Variants in SYT7 observed in about 807,000 individuals in gnomAD.
The protein encoded by SYT7 is synaptotagmin-7.
In SYT7, 29 loss-of-function variants were observed where a neutral mutation model predicts 75.1. The observed-to-expected ratio is 0.39, with a 90% CI of 0.29 to 0.53. The LOEUF is 0.53. Ranked by LOEUF, SYT7 falls within the 20% of genes least tolerant of loss-of-function variation. The pLI, the probability that SYT7 is intolerant of heterozygous loss-of-function variation, is 0.77. For missense variants in SYT7, 693 were observed against 953.2 expected (o/e 0.73, Z 3.59); for synonymous variants, 376 against 401.7 (o/e 0.94, Z 0.76).
At position 61,514,108 on chromosome 11, in the gene SYT7, G is replaced by A. The variant is rs1288801174; in HGVS notation, c.*4519C>T. On this transcript the variant is annotated 3_prime_UTR_variant, in exon 13 of 13. Coordinates refer to ENST00000539008, the MANE Select transcript of SYT7 (RefSeq NM_001365809.2). The stretch of plus-strand genomic sequence containing the variant: ...AGGCATGGACGAAGACAGACCCAGA[G>A]AAGCAAAAATGGAGGAAGGCAAAAA... 6.6e-6 allele frequency among the ~76,000 whole-genome samples: 1 copy of A among 152,144 alleles called. No individual in the cohort carries two copies. Among genetic ancestry groups the A allele is most frequent in the East Asian group, 1.9e-4 (1 of 5,192 alleles).
intron 1 of SYT7, among the ~76,000 whole-genome samples, chr11:61,560,713 A>G (rs997433776): frequency 6.6e-6 from 1 of 152,176 alleles, no homozygotes; most frequent in Non-Finnish European, 1.5e-5. Context: ...TACCAGCCAG[A>G]GTGAACCATT....
At chr11:61,534,413 G>GCACACACACGCA (rs796187429) in intron 7 of SYT7, among the ~76,000 whole-genome samples, 25 of 149,806 alleles carry the variant, frequency 1.7e-4, no homozygotes, top group African/African-American at 6.1e-4. Context: ...ACACACGCAC[G>GCACACACACGCA]CACACATGCG....
intron 1 of SYT7, among the ~76,000 whole-genome samples, chr11:61,564,477 T>C (rs1221975758): frequency 1.3e-5 from 2 of 152,170 alleles, no homozygotes; most frequent in African/African-American, 4.8e-5. Context: ...TGAGGGTAAA[T>C]ACTCTTATGC....
intron 1 of SYT7, among the ~76,000 whole-genome samples, chr11:61,563,677 A>G (rs761140191): frequency 6.6e-6 from 1 of 152,124 alleles, no homozygotes; most frequent in African/African-American, 2.4e-5. Flanking sequence ...TGTCACACCT[A>G]TGATGCTTTG....
At chr11:61,564,814 C>T (rs749045594) in intron 1 of SYT7, among the ~76,000 whole-genome samples, 9 of 152,250 alleles carry the variant, frequency 5.9e-5, no homozygotes, top group Non-Finnish European at 1.3e-4. Context: ...TTTTCTGGGG[C>T]TCCTTCCCCC....
Position 61,580,968 on chromosome 11 carries a change from C to T in SYT7, c.-148G>A. On this transcript the variant is annotated 5_prime_UTR_variant, in exon 1 of 13. Transcript: ENST00000539008. The surrounding 1 kb of genome is among the most constrained non-coding windows in gnomAD (Gnocchi z 6.1). ...GAGCGGGCTGCACCTAGCCGCGGAG[C>T]CGGGGAGCGGGGGCCGCCCGCCAGC... 2 of 983,050 alleles carry T rather than the reference C, an allele frequency of 2.0e-6. No homozygotes were observed. Among genetic ancestry groups the T allele is most frequent in the African/African-American group, 3.5e-5 (2 of 56,842 alleles). 60.9% of individuals were successfully genotyped at this position (983,050 alleles called of 1,614,324 possible).
intron 6 of SYT7, chr11:61,540,589 T>A: frequency 1.0e-6 from 1 of 985,490 alleles, no homozygotes; most frequent in Non-Finnish European, 1.2e-6. Flanking sequence ...GGACAGAGGA[T>A]GCTGTTGCAT....
At chr11:61,547,060 CAGGAGCGAG>C in intron 4 of SYT7, 108 bp downstream of exon 4, 2 of 1,289,880 alleles carry the variant, frequency 1.6e-6, no homozygotes, top group Non-Finnish European at 2.1e-6. Flanking sequence ...AGTTGGGGGA[CAGGAGCGAG>C]AGGAGAGAGG....
intron 1 of SYT7, among the ~76,000 whole-genome samples, chr11:61,578,103 C>T (rs2064135719): frequency 6.6e-6 from 1 of 152,118 alleles, no homozygotes; most frequent in African/African-American, 2.4e-5. Flanking sequence ...GAGCTGGAGC[C>T]TGGGTGTGCA....
chr11:61,529,170 G>T (rs1321967483), intron 8 of SYT7, among the ~76,000 whole-genome samples: 1 of 152,096 alleles, frequency 6.6e-6, no homozygotes, highest in Non-Finnish European at 1.5e-5. Flanking sequence ...AAAATCTCCC[G>T]TGATGACTGG....
In SYT7 at chr11:61,542,151, T is replaced by C. The variant is rs2063060290; in HGVS notation, c.941+60A>G. The C allele has an allele frequency of 6.7e-7, 1 of 1,499,254 alleles. No individual in the cohort carries two copies. Among genetic ancestry groups the C allele is most frequent in the Non-Finnish European group, 8.9e-7 (1 of 1,129,736 alleles). The allele number at this position is 1,499,254 out of a possible 1,614,324, so 92.9% of individuals were successfully genotyped here. A position where few individuals can be genotyped will look rare whatever the true frequency, so the allele number is the denominator to read the frequency against. ...ACAACCAGCTGCTCCCAAGGAGATCTGGGGGGCAGGAGGCTGGGTCAGGGA... is the reference window on the plus strand; with the variant it reads ...ACAACCAGCTGCTCCCAAGGAGATCCGGGGGGCAGGAGGCTGGGTCAGGGA... On this transcript the variant is annotated intron_variant, in intron 6 of 12. Coordinates refer to ENST00000539008, the MANE Select transcript of SYT7 (RefSeq NM_001365809.2). The surrounding 1 kb of genome is among the most constrained non-coding windows in gnomAD (Gnocchi z 7.8).
intron 8 of SYT7, among the ~76,000 whole-genome samples, chr11:61,529,930 G>A (rs1402858588): frequency 2.6e-5 from 4 of 152,100 alleles, no homozygotes; most frequent in Non-Finnish European, 5.9e-5. Context: ...CCACACACCC[G>A]GCCTCACACT....
At chr11:61,566,525 G>A (rs757342715) in intron 1 of SYT7, among the ~76,000 whole-genome samples, 19 of 152,248 alleles carry the variant, frequency 1.2e-4, no homozygotes, top group Admixed American at 2.0e-4. Context: ...GAGTTAGCTC[G>A]GAACCTGACA....
intron 3 of SYT7, among the ~76,000 whole-genome samples, chr11:61,550,615 G>A (rs2063320362): frequency 6.6e-6 from 1 of 152,162 alleles, no homozygotes; most frequent in Non-Finnish European, 1.5e-5. Context: ...GGAAGGGGCT[G>A]GGGCCACTGG....
Position 61,517,776 on chromosome 11 carries a change from A to C in SYT7, c.*851T>G. 2.6e-6 allele frequency: 1 copy of C among 389,638 alleles called. No individual in the cohort carries two copies. The highest frequency in any genetic ancestry group is 4.5e-6 in the Non-Finnish European group (1 of 221,082). The allele number at this position is 389,638 out of a possible 1,614,324, so 24.1% of individuals were successfully genotyped here. A position where few individuals can be genotyped will look rare whatever the true frequency, so the allele number is the denominator to read the frequency against. On this transcript the variant is annotated 3_prime_UTR_variant, in exon 13 of 13. Transcript: ENST00000539008. ...GCCTAAAAGGTGTGAGTCAGTGTTC[A>C]AGAGATGAAATTGCTGAGGAGGGAA...
Position 61,542,611 on chromosome 11 carries a change from A to C in SYT7, c.573-32T>G. ...GCAGGTGGAGGAGAGGAGAGAAAGG[A>C]GAAGCAGATGAAGGGATCACAGTGG... On this transcript the variant is annotated intron_variant, in intron 5 of 12. Transcript: ENST00000539008. This position sits in a 1 kb window ranked among gnomAD's most constrained non-coding sequence, Gnocchi z 7.8. 1 of 1,463,764 alleles carries C rather than the reference A, an allele frequency of 6.8e-7. No individual in the cohort carries two copies. Among genetic ancestry groups the C allele is most frequent in the Non-Finnish European group, 9.0e-7 (1 of 1,110,974 alleles). 90.7% of individuals were successfully genotyped at this position (1,463,764 alleles called of 1,614,324 possible).
intron 1 of SYT7, 41 bp from the exon 2 acceptor site, chr11:61,556,248 G>T (rs1173085613): frequency 5.2e-6 from 8 of 1,546,832 alleles, no homozygotes; most frequent in Non-Finnish European, 7.1e-6. Context: ...ATTGGCCAGG[G>T]CCTGCCACCC....
rs2064241144 is a variant in SYT7 at position 61,580,797 on chromosome 11, G to A, written c.24C>T (p.Ala8=). 22 of 1,290,016 alleles carry A rather than the reference G, an allele frequency of 1.7e-5. No homozygotes were observed. Among genetic ancestry groups the A allele is most frequent in the Non-Finnish European group, 2.2e-5 (22 of 1,016,014 alleles). 79.9% of individuals were successfully genotyped at this position (1,290,016 alleles called of 1,614,324 possible). The stretch of plus-strand genomic sequence containing the variant: ...CGCCGGGGCCGCGCTTACCTGGGCT[G>A]GCCGCCTCCGGGTCCCGGTACATGG... The part of the protein sequence containing the change: MYRDPEA[A]SPGAPSRDVL... Residue 8 remains alanine, a synonymous_variant, in exon 1 of 13, where the codon GCC becomes GCT. Coordinates refer to ENST00000539008, the MANE Select transcript of SYT7 (RefSeq NM_001365809.2). The surrounding 1 kb of genome is among the most constrained non-coding windows in gnomAD (Gnocchi z 6.1).
intron 1 of SYT7, among the ~76,000 whole-genome samples, chr11:61,577,519 C>A (rs1271603778): frequency 6.6e-6 from 1 of 152,226 alleles, no homozygotes; most frequent in African/African-American, 2.4e-5. Flanking sequence ...TTCAGCCACA[C>A]CCCTAACTTC....
Sources: gnomAD v4.1 joint callset for allele counts (sites outside exome capture counted in the v4.1 genomes callset) on GRCh38, gnomAD v4.1.1 for gene constraint, Gnocchi (gnomAD v3.1) non-coding constraint, MANE v1.5 for transcripts, NCBI Gene and HGNC (gene_info 2026-07-23, HGNC 2026-07-21) for gene names.